The following AFAP1 variants were observed in gnomAD, a reference collection of about 807,000 sequenced individuals.
AFAP1 encodes actin filament-associated protein 1.
AFAP1 carries 75 observed loss-of-function variants against 93.9 expected under a neutral mutation model. That is an observed-to-expected ratio of 0.80 (90% CI 0.66 to 0.97). AFAP1 has a LOEUF of 0.97. Among genes scored for constraint, AFAP1 ranks in the 50% least tolerant of loss-of-function variants. The probability of loss-of-function intolerance (pLI) is 0.00; values close to 1 mark genes in which losing one functional copy is unlikely to be tolerated. For missense variants in AFAP1, 1,201 were observed against 1,050.8 expected (o/e 1.14, Z -1.98); for synonymous variants, 517 against 430.7 (o/e 1.20, Z -2.48).
intron 8 of AFAP1, among the ~76,000 whole-genome samples, chr4:7,812,195 G>T (rs1407891086): frequency 6.6e-6 from 1 of 152,138 alleles, no homozygotes; most frequent in Non-Finnish European, 1.5e-5. Context: ...GCATTCCCGT[G>T]AGCTTTACAA....
chr4:7,767,181 C>T (rs544147908), intron 17 of AFAP1, among the ~76,000 whole-genome samples: 12 of 152,280 alleles, frequency 7.9e-5, no homozygotes, highest in African/African-American at 1.4e-4. Flanking sequence ...GAGCAGCTTC[C>T]GCTGTTTTCT....
chr4:7,877,939 C>CATCTCTGT (rs1327904213), intron 1 of AFAP1, among the ~76,000 whole-genome samples: 1 of 152,148 alleles, frequency 6.6e-6, no homozygotes, highest in Non-Finnish European at 1.5e-5. Flanking sequence ...GCTCCTGGTG[C>CATCTCTGT]ATCTCTGTAT....
intron 1 of AFAP1, among the ~76,000 whole-genome samples, chr4:7,913,215 C>A (rs1209475924): frequency 2.0e-5 from 3 of 151,958 alleles, no homozygotes; most frequent in Non-Finnish European, 4.4e-5. Flanking sequence ...ACAGGGAGGC[C>A]CTGTCTCTGC....
At chr4:7,868,784 T>C in intron 2 of AFAP1, 65 bp from the exon 3 acceptor site, 1 of 1,401,718 alleles carries the variant, frequency 7.1e-7, no homozygotes. Flanking sequence ...ACCACTAGCA[T>C]CTATCAGTTC....
chr4:7,763,926 A>C, intron 17 of AFAP1, 135 bp from the exon 18 acceptor site: 1 of 794,724 alleles, frequency 1.3e-6, no homozygotes, highest in Non-Finnish European at 2.1e-6. Context: ...TCAATGACCA[A>C]TGACCCGGCA....
At chr4:7,867,107 A>AGGGGAGGG (rs1716500231) in intron 3 of AFAP1, among the ~76,000 whole-genome samples, 1 of 39,788 alleles carries the variant, frequency 2.5e-5, no homozygotes. Context: ...AGAGGGGAGT[A>AGGGGAGGG]GAGGGGAGGG....
intron 17 of AFAP1, among the ~76,000 whole-genome samples, chr4:7,768,618 C>T (rs1338589151): frequency 9.2e-5 from 14 of 152,284 alleles, no homozygotes; most frequent in Non-Finnish European, 1.6e-4. Context: ...TGGGGCTAAA[C>T]GGTCAGCACC....
chr4:7,855,819 G>A (rs1359380980), intron 3 of AFAP1, among the ~76,000 whole-genome samples: 2 of 152,098 alleles, frequency 1.3e-5, no homozygotes, highest in African/African-American at 2.4e-5. Context: ...CTCCAGGTTC[G>A]GTGTGTGCAG....
chr4:7,838,468 G>A, intron 6 of AFAP1, 56 bp downstream of exon 6: 3 of 1,528,242 alleles, frequency 2.0e-6, no homozygotes, highest in African/African-American at 1.4e-5. Context: ...AATTAAAATG[G>A]ATCTCAGAAA....
chr4:7,909,279 G>C (rs558778310), intron 1 of AFAP1, among the ~76,000 whole-genome samples: 1 of 152,228 alleles, frequency 6.6e-6, no homozygotes, highest in East Asian at 1.9e-4. Flanking sequence ...GTTTATATAA[G>C]TTTAAAAACT....
chr4:7,854,113 A>C (rs1277934010), intron 4 of AFAP1, among the ~76,000 whole-genome samples: 1 of 152,156 alleles, frequency 6.6e-6, no homozygotes, highest in Non-Finnish European at 1.5e-5. Flanking sequence ...TCAATAAGAA[A>C]ACATACTTGT....
At chr4:7,860,640 C>T (rs953725921) in intron 3 of AFAP1, among the ~76,000 whole-genome samples, 5 of 152,184 alleles carry the variant, frequency 3.3e-5, no homozygotes, top group African/African-American at 1.2e-4. Context: ...TGCTTATCCA[C>T]AGAAGTCAGC....
chr4:7,918,881 C>T (rs61296005), intron 1 of AFAP1, among the ~76,000 whole-genome samples: 8 of 138,338 alleles, frequency 5.8e-5, no homozygotes, highest in East Asian at 2.2e-4. Flanking sequence ...AACAGGGCTG[C>T]CGGAAGAGAC....
intron 15 of AFAP1, 96 bp from the exon 16 acceptor site, chr4:7,773,106 C>T (rs573001588): frequency 1.1e-4 from 167 of 1,473,646 alleles, no homozygotes; most frequent in Admixed American, 6.7e-4. Context: ...TTCCACAAAA[C>T]GTCTGAGGTC....
At position 7,815,891 on chromosome 4, in the gene AFAP1, C is replaced by T. The variant is rs184295016; in HGVS notation, c.904+127G>A. On this transcript the variant is annotated intron_variant, in intron 8 of 17. Coordinates refer to ENST00000420658, the MANE Select transcript of AFAP1 (RefSeq NM_001134647.2). ...CCATCAGTATCCTCTGCCATGATGACGATATCTACACATCTGAATCACCCA... is the reference window on the plus strand; with the variant it reads ...CCATCAGTATCCTCTGCCATGATGATGATATCTACACATCTGAATCACCCA... 1.2e-3 allele frequency: 919 copies of T among 762,410 alleles called. 1 individual carries two copies. Among genetic ancestry groups the T allele is most frequent in the Non-Finnish European group, 1.7e-3 (827 of 484,956 alleles). 47.2% of individuals were successfully genotyped at this position (762,410 alleles called of 1,614,324 possible). A position where few individuals can be genotyped will look rare whatever the true frequency, so the allele number is the denominator to read the frequency against.
intron 6 of AFAP1, among the ~76,000 whole-genome samples, chr4:7,820,751 G>A (rs1256166277): frequency 6.6e-6 from 1 of 152,152 alleles, no homozygotes; most frequent in Admixed American, 6.5e-5. Flanking sequence ...GCAGAGTGAG[G>A]ATGTGGAGGG....
intron 3 of AFAP1, among the ~76,000 whole-genome samples, chr4:7,859,099 A>G (rs190316942): frequency 5.1e-4 from 77 of 152,292 alleles, no homozygotes; most frequent in African/African-American, 1.6e-3. Flanking sequence ...TTCCTGGGCT[A>G]CCACTCACAA....
chr4:7,851,942 G>T (rs1403613586), intron 4 of AFAP1, among the ~76,000 whole-genome samples: 2 of 152,156 alleles, frequency 1.3e-5, no homozygotes, highest in Non-Finnish European at 2.9e-5. Context: ...CCACACCATT[G>T]CTTCTGACCA....
chr4:7,930,113 A>C (rs112345232), intron 1 of AFAP1, among the ~76,000 whole-genome samples: 3,771 of 152,298 alleles, frequency 0.025, 148 homozygotes, highest in African/African-American at 0.084. Flanking sequence ...TTGCTGAAAA[A>C]GTAAGAGAGG....
Sources: allele counts gnomAD v4.1 joint callset (sites outside exome capture counted in the v4.1 genomes callset), GRCh38; gene constraint gnomAD v4.1.1; transcripts MANE v1.5; gene names NCBI Gene and HGNC (gene_info 2026-07-23, HGNC 2026-07-21).